The following ZYG11B variants were observed in gnomAD, a reference collection of about 807,000 sequenced individuals.
The protein encoded by ZYG11B is protein zyg-11 homolog B.
ZYG11B carries 36 observed loss-of-function variants against 82.4 expected under a neutral mutation model. That is an observed-to-expected ratio of 0.44 (90% CI 0.33 to 0.58). ZYG11B has a LOEUF of 0.58. Ranked by LOEUF, ZYG11B falls within the 20% of genes least tolerant of loss-of-function variation. The pLI is 0.02. For missense variants in ZYG11B, 552 were observed against 895.6 expected, an observed-to-expected ratio of 0.62 and a Z score of 4.90; for synonymous variants, 303 against 312.8, an observed-to-expected ratio of 0.97 and a Z score of 0.33.
intron 1 of ZYG11B, among the ~76,000 whole-genome samples, chr1:52,742,172 G>T (rs1644436085): frequency 6.6e-6 from 1 of 152,082 alleles, no homozygotes; most frequent in Admixed American, 6.6e-5. Flanking sequence ...CTTATGAGTT[G>T]AGAGACCAGG....
rs761935168 is a variant in ZYG11B at position 52,814,650 on chromosome 1, T to C, written c.1946+738T>C. ...AGGAGTTTGAGGCTGCAGTGAGTTATGATTGCATCACTGCATTCCAGCCTG... is the reference window on the plus strand; with the variant it reads ...AGGAGTTTGAGGCTGCAGTGAGTTACGATTGCATCACTGCATTCCAGCCTG... On this transcript the variant is annotated intron_variant, in intron 12 of 13. Transcript: ENST00000294353. Among the ~76,000 whole-genome samples, 22 of 152,092 alleles carry C rather than the reference T, an allele frequency of 1.4e-4. 1 individual carries two copies. Among genetic ancestry groups the C allele is most frequent in the South Asian group, 4.1e-4 (2 of 4,822 alleles).
chr1:52,810,485 C>G (rs2149963951), intron 10 of ZYG11B, among the ~76,000 whole-genome samples: 1 of 152,300 alleles, frequency 6.6e-6, no homozygotes, highest in Non-Finnish European at 1.5e-5. Context: ...ATCTCCTACT[C>G]CATTCAGTCT....
chr1:52,792,987 T>C (rs1438190050), intron 6 of ZYG11B, among the ~76,000 whole-genome samples: 1 of 152,042 alleles, frequency 6.6e-6, no homozygotes, highest in Non-Finnish European at 1.5e-5. Context: ...ACTACAGATG[T>C]GCGCCGCTAC....
intron 1 of ZYG11B, among the ~76,000 whole-genome samples, chr1:52,739,782 T>G (rs1233340037): frequency 6.6e-6 from 1 of 151,866 alleles, no homozygotes; most frequent in Non-Finnish European, 1.5e-5. Flanking sequence ...ATTTTTATAT[T>G]TTTAGTAGAG....
intron 1 of ZYG11B, among the ~76,000 whole-genome samples, chr1:52,734,606 C>T (rs772663479): frequency 1.3e-5 from 2 of 150,342 alleles, no homozygotes; most frequent in Admixed American, 6.6e-5. Flanking sequence ...GCCGAGATCG[C>T]GCCATTGCAC....
intron 5 of ZYG11B, among the ~76,000 whole-genome samples, chr1:52,786,379 T>C (rs1644911876): frequency 1.3e-5 from 2 of 152,204 alleles, no homozygotes; most frequent in Admixed American, 1.3e-4. Flanking sequence ...ATCCATCAAA[T>C]TGTACACTTT....
intron 1 of ZYG11B, among the ~76,000 whole-genome samples, chr1:52,745,286 G>T (rs11206004): frequency 6.6e-6 from 1 of 151,878 alleles, no homozygotes; most frequent in African/African-American, 2.4e-5. Flanking sequence ...AATAAAAACC[G>T]GAGTGGGGGT....
chr1:52,820,617 C>T (rs962457876), intron 13 of ZYG11B, among the ~76,000 whole-genome samples: 2 of 149,908 alleles, frequency 1.3e-5, no homozygotes, highest in Admixed American at 1.3e-4. Flanking sequence ...CATTGGACTC[C>T]AGCCTGGGCA....
At chr1:52,776,229 A>AAAAAAAAAAAAATATATAT in intron 3 of ZYG11B, among the ~76,000 whole-genome samples, 4 of 23,542 alleles carry the variant, frequency 1.7e-4, no homozygotes, top group Non-Finnish European at 3.5e-4. Context: ...TAAAAAAAAA[A>AAAAAAAAAAAAATATATAT]ATATATATAT....
At chr1:52,732,092 C>A (rs569617961) in intron 1 of ZYG11B, among the ~76,000 whole-genome samples, 1 of 152,218 alleles carries the variant, frequency 6.6e-6, no homozygotes, top group African/African-American at 2.4e-5. Context: ...CCTGAGCCAT[C>A]GTGCCCAGCC....
intron 3 of ZYG11B, among the ~76,000 whole-genome samples, chr1:52,777,116 A>G (rs937693208): frequency 1.3e-5 from 2 of 152,116 alleles, no homozygotes; most frequent in Admixed American, 1.3e-4. Context: ...AGGCTGAGGC[A>G]TGACAATTGC....
intron 3 of ZYG11B, among the ~76,000 whole-genome samples, chr1:52,773,487 AAAG>A (rs1397999286): frequency 3.3e-5 from 5 of 149,454 alleles, no homozygotes; most frequent in Non-Finnish European, 7.4e-5. Context: ...AAAAAAAAAA[AAAG>A]AAAATGATAT....
chr1:52,788,296 G>T (rs772417616), intron 5 of ZYG11B, among the ~76,000 whole-genome samples: 1 of 152,140 alleles, frequency 6.6e-6, no homozygotes, highest in Non-Finnish European at 1.5e-5. Flanking sequence ...CTAGCTGGGC[G>T]GAAATTGAAG....
At chr1:52,810,033 A>G (rs538438299) in intron 10 of ZYG11B, among the ~76,000 whole-genome samples, 5 of 152,170 alleles carry the variant, frequency 3.3e-5, no homozygotes, top group East Asian at 1.9e-4. Flanking sequence ...TTGTTTTTCT[A>G]TGAATATTCT....
chr1:52,756,821 T>C (rs994198432), intron 2 of ZYG11B, among the ~76,000 whole-genome samples, 198 bp downstream of exon 2: 15 of 150,434 alleles, frequency 1.0e-4, no homozygotes, highest in African/African-American at 3.2e-4. Context: ...TTTTCTTTTT[T>C]TTTTTTTTTT....
At position 52,816,448 on chromosome 1, in the gene ZYG11B, A is replaced by C. The variant is rs991210231; in HGVS notation, c.1947-84A>C. On this transcript the variant is annotated intron_variant, in intron 12 of 13. Transcript: ENST00000294353. ...TAAATATAATAGGATAAAATTTTGA[A>C]AATGAAAAGTTTAGGAATCACTGCT... is the stretch of plus-strand genomic sequence containing the variant. The C allele has an allele frequency of 9.8e-6, 9 of 922,354 alleles. No individual in the cohort carries two copies. In the East Asian group the frequency reaches 1.4e-4, roughly 15 times the overall value. 57.1% of individuals were successfully genotyped at this position (922,354 alleles called of 1,614,324 possible).
intron 10 of ZYG11B, among the ~76,000 whole-genome samples, chr1:52,803,111 TATATATAC>T (rs1558140058): frequency 0.02 from 1,830 of 90,598 alleles, 124 homozygotes; most frequent in Middle Eastern, 0.083. Context: ...TATATATATA[TATATATAC>T]ACACATATAT....
rs941293404 is a variant in ZYG11B, at chr1:52,807,814, A to G, written c.1695+5675A>G. 2.6e-5 allele frequency among the ~76,000 whole-genome samples: 4 copies of G among 152,148 alleles called. No individual in the cohort carries two copies. The South Asian group carries it at 8.3e-4, about 31-fold the overall frequency. ...GTGTCATTTTTCTTCAACCTAAAAG[A>G]CATCCTTTAACATTTCTTACAGTGT... On this transcript the variant is annotated intron_variant, in intron 10 of 13. Transcript: ENST00000294353.
In ZYG11B at chr1:52,818,593, G is replaced by A. The variant is rs74081257; in HGVS notation, c.2044+1964G>A. Among the ~76,000 whole-genome samples the A allele has an allele frequency of 5.0e-3, 756 of 152,228 alleles. 12 individuals are homozygous for A. Among genetic ancestry groups the A allele is most frequent in the African/African-American group, 0.017 (717 of 41,542 alleles). ...AAAAGCGACATGGTTCTCCATATAA[G>A]AGGGAAACATTCCATATCCTTGTCA... On this transcript the variant is annotated intron_variant, in intron 13 of 13. Coordinates refer to ENST00000294353, the MANE Select transcript of ZYG11B (RefSeq NM_024646.3).
Sources: allele counts gnomAD v4.1 joint callset (sites outside exome capture counted in the v4.1 genomes callset), GRCh38; gene constraint gnomAD v4.1.1; transcripts MANE v1.5; gene names NCBI Gene and HGNC (gene_info 2026-07-23, HGNC 2026-07-21).